Variants in MICU3 observed in about 807,000 individuals in gnomAD.
The protein encoded by MICU3 is mitochondrial calcium uptake 3, also known as calcium uptake protein 3, mitochondrial.
MICU3 carries 62 observed loss-of-function variants against 66.5 expected under a neutral mutation model. The ratio of observed to expected loss-of-function variants is 0.93; its 90% confidence interval spans 0.76 to 1.15. The LOEUF is 1.15. Ranked by LOEUF, MICU3 falls within the 50% of genes most tolerant of loss-of-function variation. The pLI is 0.00. For synonymous variants in MICU3, 308 were observed against 240.7 expected, an observed-to-expected ratio of 1.28 and a Z score of -2.59; for missense variants, 779 against 664.4, an observed-to-expected ratio of 1.17 and a Z score of -1.90.
chr8:17,058,472 C>A (rs1013569597), intron 1 of MICU3, among the ~76,000 whole-genome samples: 1 of 152,002 alleles, frequency 6.6e-6, no homozygotes, highest in Non-Finnish European at 1.5e-5. Flanking sequence ...TGTAAACAAG[C>A]AAGACTCACA....
At chr8:17,119,619 T>TA (rs200116352) in intron 14 of MICU3, among the ~76,000 whole-genome samples, 4 of 148,696 alleles carry the variant, frequency 2.7e-5, no homozygotes, top group African/African-American at 4.9e-5. Flanking sequence ...AATGCATACT[T>TA]AAAAAAAAAA....
At chr8:17,059,864 A>G (rs922600955) in intron 1 of MICU3, among the ~76,000 whole-genome samples, 2 of 152,190 alleles carry the variant, frequency 1.3e-5, no homozygotes, top group Non-Finnish European at 2.9e-5. Context: ...ATAGACATCT[A>G]TGTTCCTAGG....
intron 1 of MICU3, among the ~76,000 whole-genome samples, chr8:17,051,845 A>T (rs372239674): frequency 2.0e-5 from 3 of 152,250 alleles, no homozygotes; most frequent in East Asian, 3.9e-4. Context: ...CCTTGCTGTA[A>T]AGGGAAGGAG....
At chr8:17,040,486 T>A (rs909415254) in intron 1 of MICU3, among the ~76,000 whole-genome samples, 2 of 152,150 alleles carry the variant, frequency 1.3e-5, no homozygotes, top group Non-Finnish European at 2.9e-5. Context: ...AAGGGGAAAA[T>A]AATAGATGTC....
chr8:17,070,805 G>T (rs1271774193), intron 3 of MICU3, among the ~76,000 whole-genome samples: 1 of 152,004 alleles, frequency 6.6e-6, no homozygotes, highest in Non-Finnish European at 1.5e-5. Flanking sequence ...TGGGTAATAT[G>T]CTCTAAGACC....
At chr8:17,055,425 G>C (rs186125388) in intron 1 of MICU3, among the ~76,000 whole-genome samples, 1 of 152,188 alleles carries the variant, frequency 6.6e-6, no homozygotes, top group Non-Finnish European at 1.5e-5. Context: ...GTCACCCAAA[G>C]TTGGTATGAC....
chr8:17,039,159 T>C lies in MICU3; in HGVS notation c.381+11499T>C, dbSNP rs527521210. On this transcript the variant is annotated intron_variant, in intron 1 of 14. Coordinates refer to ENST00000318063, the MANE Select transcript of MICU3 (RefSeq NM_181723.3). ...AATAAAGTATTTTTAAATTAAGTTATGTACTGTTGTAGACATAATGCTGTT... is the reference window on the plus strand; with the variant it reads ...AATAAAGTATTTTTAAATTAAGTTACGTACTGTTGTAGACATAATGCTGTT... Among the ~76,000 whole-genome samples the C allele has an allele frequency of 9.8e-5, 15 of 152,296 alleles. No individual in the cohort carries two copies. In the South Asian group the frequency reaches 3.1e-3, roughly 32 times the overall value.
At chr8:17,078,501 A>C (rs961814652) in intron 4 of MICU3, among the ~76,000 whole-genome samples, 1 of 152,058 alleles carries the variant, frequency 6.6e-6, no homozygotes, top group African/African-American at 2.4e-5. Flanking sequence ...TTGTAGAAAA[A>C]ATTTATTAAT....
intron 1 of MICU3, among the ~76,000 whole-genome samples, chr8:17,034,369 T>A (rs187472804): frequency 2.4e-4 from 36 of 152,380 alleles, no homozygotes; most frequent in Middle Eastern, 6.8e-3. Context: ...TGTTTTTATG[T>A]CTGCTAACAC....
At chr8:17,095,091 T>A (rs1800527870) in intron 8 of MICU3, among the ~76,000 whole-genome samples, 1 of 152,034 alleles carries the variant, frequency 6.6e-6, no homozygotes, top group South Asian at 2.1e-4. Flanking sequence ...TCCTGAATAA[T>A]TCTTTCAAAT....
intron 11 of MICU3, among the ~76,000 whole-genome samples, chr8:17,110,781 T>G (rs906639155): frequency 6.6e-6 from 1 of 151,950 alleles, no homozygotes; most frequent in African/African-American, 2.4e-5. Context: ...TTTGTTTTTT[T>G]GCCTAGACTT....
intron 5 of MICU3, among the ~76,000 whole-genome samples, chr8:17,084,606 T>C (rs1799260011): frequency 6.6e-6 from 1 of 152,124 alleles, no homozygotes; most frequent in Admixed American, 6.6e-5. Context: ...CTTTATGCTC[T>C]AGAAGTGAAA....
intron 1 of MICU3, among the ~76,000 whole-genome samples, chr8:17,060,730 T>C (rs1012898638): frequency 6.6e-6 from 1 of 152,166 alleles, no homozygotes; most frequent in Non-Finnish European, 1.5e-5. Flanking sequence ...CAGTTGGTGG[T>C]ACTGGGAAGC....
At chr8:17,066,252 A>G (rs1021296338) in intron 2 of MICU3, among the ~76,000 whole-genome samples, 12 of 151,832 alleles carry the variant, frequency 7.9e-5, no homozygotes, top group Non-Finnish European at 1.8e-4. Context: ...TGGAATATTT[A>G]TATGTCTGCT....
chr8:17,102,035 C>A (rs563878053), intron 9 of MICU3, among the ~76,000 whole-genome samples: 17 of 152,046 alleles, frequency 1.1e-4, no homozygotes, highest in African/African-American at 4.1e-4. Context: ...AGATTAACTT[C>A]TCTAAGGTCA....
chr8:17,110,583 A>C (rs970885264), intron 11 of MICU3, among the ~76,000 whole-genome samples: 1 of 152,058 alleles, frequency 6.6e-6, no homozygotes, highest in African/African-American at 2.4e-5. Context: ...TTCTTTTAAG[A>C]AATGGGGTCT....
chr8:17,077,470 T>C (rs897239710), intron 3 of MICU3, among the ~76,000 whole-genome samples: 1 of 152,192 alleles, frequency 6.6e-6, no homozygotes, highest in African/African-American at 2.4e-5. Flanking sequence ...TATAACTGGC[T>C]CCAGGACTTA....
Position 17,027,412 on chromosome 8 carries a change from TC to T in MICU3, c.136del (p.Arg46GlufsTer22). 1 of 1,405,768 alleles carries T rather than the reference TC, an allele frequency of 7.1e-7. No individual in the cohort carries two copies. The highest frequency in any genetic ancestry group is 1.7e-5 in the South Asian group (1 of 57,746). The allele number at this position is 1,405,768 out of a possible 1,614,324, so 87.1% of individuals were successfully genotyped here. ...GGGCCTTCCTGGCCGGCCCTTCTCC[TC>T]CCGAGAGGATGAGGAGAGGGCTGTG... ...TLGLPGRPFSSREDEERAVAE... is the reference protein window; with the variant it reads ...TLGLPGRPFSXREDEERAVAE... On this transcript the variant is annotated frameshift_variant, in exon 1 of 15. Transcript: ENST00000318063. LOFTEE classifies it high-confidence loss of function.
intron 8 of MICU3, among the ~76,000 whole-genome samples, chr8:17,094,479 G>A (rs1800451220): frequency 6.6e-6 from 1 of 151,972 alleles, no homozygotes; most frequent in African/African-American, 2.4e-5. Flanking sequence ...AGTGAGAAGA[G>A]TGATATTGTT....
Sources: allele counts gnomAD v4.1 joint callset (sites outside exome capture counted in the v4.1 genomes callset), GRCh38; gene constraint gnomAD v4.1.1; transcripts MANE v1.5; gene names NCBI Gene and HGNC (gene_info 2026-07-23, HGNC 2026-07-21).